The following LHPP variants were observed in gnomAD, a reference collection of about 807,000 sequenced individuals.
LHPP encodes hLHPP.
Under a neutral mutation model 30.3 loss-of-function variants are expected in LHPP, and 24 were observed. That is an observed-to-expected ratio of 0.79 (90% CI 0.57 to 1.11). The LOEUF is 1.11. Among genes scored for constraint, LHPP ranks in the 50% most tolerant of loss-of-function variants. LHPP has a pLI of 0.00. For missense variants in LHPP, 356 were observed against 367.2 expected, an observed-to-expected ratio of 0.97 and a Z score of 0.25; for synonymous variants, 150 against 157.1, an observed-to-expected ratio of 0.95 and a Z score of 0.34.
At position 124,523,864 on chromosome 10, in the gene LHPP, C is replaced by T. The variant is rs1386326048; in HGVS notation, c.716+6593C>T. ...CCGGGAACAGGCCTGTGGAAAAATC[C>T]ACTGTGCAATGAGTCCGTGAATCCC... On this transcript the variant is annotated intron_variant, in intron 6 of 6. Coordinates refer to ENST00000368842, the MANE Select transcript of LHPP (RefSeq NM_022126.4). The surrounding 1 kb of genome is among the most constrained non-coding windows in gnomAD (Gnocchi z 4.2). Among the ~76,000 whole-genome samples, 1 of 152,156 alleles carries T rather than the reference C, an allele frequency of 6.6e-6. No homozygotes were observed. The highest frequency in any genetic ancestry group is 1.5e-5 in the Non-Finnish European group (1 of 68,030).
At chr10:124,605,726 G>A (rs1169698355) in intron 6 of LHPP, among the ~76,000 whole-genome samples, 1 of 152,142 alleles carries the variant, frequency 6.6e-6, no homozygotes, top group African/African-American at 2.4e-5. Flanking sequence ...AGGCTATGAT[G>A]TGGGCAATAG....
chr10:124,578,559 T>C (rs1948700147), intron 6 of LHPP, among the ~76,000 whole-genome samples: 1 of 152,172 alleles, frequency 6.6e-6, no homozygotes, highest in Non-Finnish European at 1.5e-5. Context: ...CACAGGGTGT[T>C]GGGGAGCTCA....
intron 6 of LHPP, among the ~76,000 whole-genome samples, chr10:124,606,277 C>CG (rs11377747): frequency 0.61 from 92,984 of 151,878 alleles, 28,764 homozygotes; most frequent in East Asian, 0.68. Flanking sequence ...ACACCATTCT[C>CG]GGGGGGACAG....
chr10:124,492,911 A>C (rs575181691), intron 3 of LHPP, among the ~76,000 whole-genome samples: 3 of 152,218 alleles, frequency 2.0e-5, no homozygotes, highest in African/African-American at 7.2e-5. Context: ...TCTCATGCTG[A>C]GCTTCGTGGC....
chr10:124,518,864 C>T (rs910806545), intron 6 of LHPP, among the ~76,000 whole-genome samples: 2 of 152,238 alleles, frequency 1.3e-5, no homozygotes, highest in African/African-American at 4.8e-5. Context: ...CGGTTACCTG[C>T]ATGCTATTTA....
At chr10:124,560,453 G>A (rs1044035910) in intron 6 of LHPP, among the ~76,000 whole-genome samples, 20 of 152,184 alleles carry the variant, frequency 1.3e-4, no homozygotes, top group African/African-American at 2.2e-4. Context: ...TGGCCTGCAG[G>A]GAAAAGACCA....
At chr10:124,488,276 T>C in intron 2 of LHPP, 146 bp from the exon 3 acceptor site, 1 of 729,762 alleles carries the variant, frequency 1.4e-6, no homozygotes. Flanking sequence ...CTTCTGTGTC[T>C]ACCTCCCATG....
intron 6 of LHPP, among the ~76,000 whole-genome samples, chr10:124,556,309 C>T (rs964938803): frequency 2.6e-4 from 39 of 152,186 alleles, no homozygotes; most frequent in African/African-American, 9.4e-4. Flanking sequence ...ACATCTCTTC[C>T]CAGTGCCCAG....
At chr10:124,548,498 G>A (rs989878664) in intron 6 of LHPP, among the ~76,000 whole-genome samples, 5 of 152,174 alleles carry the variant, frequency 3.3e-5, no homozygotes, top group Admixed American at 1.3e-4. Context: ...GCCTTCTGTC[G>A]AGGTGGGTGG....
At chr10:124,480,201 C>CG (rs376255823) in intron 1 of LHPP, among the ~76,000 whole-genome samples, 102 of 152,224 alleles carry the variant, frequency 6.7e-4, no homozygotes, top group African/African-American at 2.3e-3. Context: ...TCTCTGGTGA[C>CG]GGCTCAAAGG....
chr10:124,481,391 T>TTTTTTTTTG (rs1564776208), intron 1 of LHPP, among the ~76,000 whole-genome samples: 1 of 140,788 alleles, frequency 7.1e-6, no homozygotes, highest in African/African-American at 2.6e-5. Flanking sequence ...TTTTTTTTTT[T>TTTTTTTTTG]TTTGCGACAG....
chr10:124,491,660 C>T (rs1218863412), intron 3 of LHPP, among the ~76,000 whole-genome samples: 2 of 152,232 alleles, frequency 1.3e-5, no homozygotes, highest in African/African-American at 2.4e-5. Context: ...GACAGTGGCT[C>T]ACGCCGGTAA....
At chr10:124,547,021 G>A (rs983991440) in intron 6 of LHPP, among the ~76,000 whole-genome samples, 5 of 95,526 alleles carry the variant, frequency 5.2e-5, no homozygotes, top group African/African-American at 2.0e-4. Context: ...TTCTTTTTCT[G>A]CACACACACA....
chr10:124,562,045 G>C (rs187734487), intron 6 of LHPP, among the ~76,000 whole-genome samples: 3 of 152,208 alleles, frequency 2.0e-5, no homozygotes, highest in African/African-American at 7.2e-5. Context: ...GGTGGCTCAT[G>C]CCTGTGATCC....
intron 6 of LHPP, among the ~76,000 whole-genome samples, chr10:124,529,813 G>GCACACACACGCA (rs1954844127): frequency 6.8e-6 from 1 of 147,086 alleles, no homozygotes; most frequent in Non-Finnish European, 1.5e-5. Flanking sequence ...ACACACACAC[G>GCACACACACGCA]CACACACACA....
intron 6 of LHPP, among the ~76,000 whole-genome samples, chr10:124,545,178 G>A (rs1564821800): frequency 2.0e-5 from 3 of 152,174 alleles, no homozygotes; most frequent in African/African-American, 4.8e-5. Flanking sequence ...TCCTGTGTGC[G>A]GCTCCCTCCA....
chr10:124,494,118 A>G (rs772731388), intron 3 of LHPP, among the ~76,000 whole-genome samples: 6 of 152,176 alleles, frequency 3.9e-5, no homozygotes, highest in Non-Finnish European at 7.3e-5. Context: ...TTTCAGTTGC[A>G]CGTTCAGTTT....
intron 6 of LHPP, among the ~76,000 whole-genome samples, chr10:124,579,074 G>A (rs1159486932): frequency 2.0e-5 from 3 of 152,232 alleles, no homozygotes; most frequent in Non-Finnish European, 4.4e-5. Context: ...GTGGCTCTAA[G>A]GCAGGTCTTC....
intron 5 of LHPP, among the ~76,000 whole-genome samples, chr10:124,503,965 G>A (rs1953986310): frequency 6.6e-6 from 1 of 152,146 alleles, no homozygotes; most frequent in East Asian, 1.9e-4. Flanking sequence ...TCCAAGGAGG[G>A]CGGATCACCT....
Sources: gnomAD v4.1 joint callset for allele counts (sites outside exome capture counted in the v4.1 genomes callset) on GRCh38, gnomAD v4.1.1 for gene constraint, Gnocchi (gnomAD v3.1) non-coding constraint, MANE v1.5 for transcripts, NCBI Gene and HGNC (gene_info 2026-07-23, HGNC 2026-07-21) for gene names.